Variants in ESRRG observed in about 807,000 individuals in gnomAD.
ESRRG encodes estrogen-related receptor gamma.
A neutral mutation model predicts 44.0 loss-of-function variants in ESRRG; 13 were observed. The observed-to-expected ratio is 0.30, with a 90% confidence interval of 0.19 to 0.47. The LOEUF is 0.47. ESRRG is among the 20% of genes least tolerant of loss of function. ESRRG has a pLI of 1.00. For missense variants in ESRRG, 395 were observed against 580.6 expected (o/e 0.68, Z 3.29); for synonymous variants, 215 against 214.6 (o/e 1.00, Z -0.02).
intron 3 of ESRRG, among the ~76,000 whole-genome samples, chr1:216,618,227 C>T (rs1432120556): frequency 6.6e-6 from 1 of 152,138 alleles, no homozygotes; most frequent in Non-Finnish European, 1.5e-5. Flanking sequence ...CACTTGCCCT[C>T]AAAAGAACAG....
chr1:217,027,758 T>A (rs938116797), intron 1 of ESRRG, among the ~76,000 whole-genome samples: 1 of 152,172 alleles, frequency 6.6e-6, no homozygotes, highest in African/African-American at 2.4e-5. Flanking sequence ...TAGTTTAGGA[T>A]GGGATTTTAT....
In ESRRG at chr1:216,934,591, G is replaced by A. The variant is rs977456715; in HGVS notation, c.-14+4991C>T. ...AAGCGAGAATGAGAGCTAAGAGAAAGGCCATCAGATCTTGTGAGACTTACA... is the reference window on the plus strand; with the variant it reads ...AAGCGAGAATGAGAGCTAAGAGAAAAGCCATCAGATCTTGTGAGACTTACA... On this transcript the variant is annotated intron_variant, in intron 2 of 7. Transcript: ENST00000359162. Among the ~76,000 whole-genome samples the A allele has an allele frequency of 2.0e-5, 3 of 152,082 alleles. No individual in the cohort carries two copies. The East Asian group carries it at 5.8e-4, about 29-fold the overall frequency.
At chr1:216,756,318 G>A (rs916153853) in intron 2 of ESRRG, among the ~76,000 whole-genome samples, 4 of 151,850 alleles carry the variant, frequency 2.6e-5, no homozygotes, top group South Asian at 2.1e-4. Flanking sequence ...ATGTTATGGT[G>A]GACAAGTTCA....
At chr1:216,880,262 GT>G (rs1389150519) in intron 2 of ESRRG, among the ~76,000 whole-genome samples, 3 of 118,042 alleles carry the variant, frequency 2.5e-5, no homozygotes, top group African/African-American at 6.6e-5. Context: ...TGCCAAGATT[GT>G]GCCACTGCAC....
chr1:216,665,718 A>C (rs1359616918), intron 2 of ESRRG, among the ~76,000 whole-genome samples: 8 of 152,182 alleles, frequency 5.3e-5, no homozygotes. Context: ...TTTAAGTTTA[A>C]ATGTCAGTTC....
intron 3 of ESRRG, among the ~76,000 whole-genome samples, chr1:216,590,233 A>G (rs2057422052): frequency 6.6e-6 from 1 of 152,074 alleles, no homozygotes; most frequent in Non-Finnish European, 1.5e-5. Context: ...AACTAGAAAA[A>G]TGTTAGTAGT....
At chr1:216,811,247 TATG>T (rs540811438) in intron 2 of ESRRG, among the ~76,000 whole-genome samples, 25 of 152,160 alleles carry the variant, frequency 1.6e-4, no homozygotes, top group African/African-American at 5.5e-4. Flanking sequence ...ATCATCTCTT[TATG>T]ATGATGAGAA....
At chr1:216,836,777 G>T (rs558334151) in intron 2 of ESRRG, among the ~76,000 whole-genome samples, 1 of 152,134 alleles carries the variant, frequency 6.6e-6, no homozygotes, top group Admixed American at 6.6e-5. Flanking sequence ...TTGTGCAGCC[G>T]AATCAAATAT....
intron 1 of ESRRG, among the ~76,000 whole-genome samples, chr1:217,129,883 G>A (rs765986241): frequency 1.3e-5 from 2 of 151,940 alleles, no homozygotes; most frequent in African/African-American, 4.8e-5. Context: ...TTCAGATGGC[G>A]ACGAAGGTTG....
At chr1:217,036,684 G>A (rs1579878326) in intron 1 of ESRRG, among the ~76,000 whole-genome samples, 1 of 152,180 alleles carries the variant, frequency 6.6e-6, no homozygotes, top group Non-Finnish European at 1.5e-5. Flanking sequence ...TTGGGAGGAG[G>A]AAAAGGACCA....
At chr1:216,769,119 C>T (rs965353875) in intron 2 of ESRRG, among the ~76,000 whole-genome samples, 3 of 151,980 alleles carry the variant, frequency 2.0e-5, no homozygotes, top group South Asian at 4.2e-4. Flanking sequence ...CAGAAGCCAG[C>T]TTAGGATTAC....
At chr1:216,571,384 A>G (rs1325384242) in intron 3 of ESRRG, among the ~76,000 whole-genome samples, 1 of 152,174 alleles carries the variant, frequency 6.6e-6, no homozygotes, top group Non-Finnish European at 1.5e-5. Context: ...CAGAGGTTGC[A>G]GTGAACCAAG....
intron 1 of ESRRG, among the ~76,000 whole-genome samples, chr1:216,941,570 C>T (rs192453750): frequency 9.2e-5 from 14 of 152,232 alleles, no homozygotes; most frequent in Admixed American, 4.6e-4. Context: ...TCAGGAGATT[C>T]GGTTTGTGGG....
At chr1:216,510,704 T>C (rs2042457182) in intron 6 of ESRRG, among the ~76,000 whole-genome samples, 1 of 151,912 alleles carries the variant, frequency 6.6e-6, no homozygotes, top group Non-Finnish European at 1.5e-5. Context: ...GCTAACACCG[T>C]GAAACCCCGT....
At position 216,712,447 on chromosome 1, in the gene ESRRG, G is replaced by C. The variant is rs193083446; in HGVS notation, c.56+10797C>G. On this transcript the variant is annotated intron_variant, in intron 1 of 6. Transcript: ENST00000408911. ...ACAAAAAGATTTCAGTGTATCAGCAGTAGTGGCGGTTTTCAGATGAAATGA... is the reference window on the plus strand; with the variant it reads ...ACAAAAAGATTTCAGTGTATCAGCACTAGTGGCGGTTTTCAGATGAAATGA... 7.9e-5 allele frequency among the ~76,000 whole-genome samples: 12 copies of C among 152,316 alleles called. No homozygotes were observed. The East Asian group carries it at 2.3e-3, about 29-fold the overall frequency.
At chr1:216,624,146 C>T (rs1382558746) in intron 3 of ESRRG, among the ~76,000 whole-genome samples, 1 of 152,190 alleles carries the variant, frequency 6.6e-6, no homozygotes, top group Non-Finnish European at 1.5e-5. Context: ...TGGTCTCTTT[C>T]TCCCTAAGCC....
intron 1 of ESRRG, among the ~76,000 whole-genome samples, chr1:217,127,022 C>G (rs1195109866): frequency 1.3e-5 from 2 of 152,198 alleles, no homozygotes; most frequent in Admixed American, 1.3e-4. Context: ...ACTGAAAAAT[C>G]TCTGCCTAAA....
intron 5 of ESRRG, among the ~76,000 whole-genome samples, chr1:216,533,443 A>G (rs1206510142): frequency 6.6e-6 from 1 of 152,158 alleles, no homozygotes; most frequent in Admixed American, 6.6e-5. Context: ...TCAGTATACT[A>G]TAGTAGGCAG....
intron 3 of ESRRG, among the ~76,000 whole-genome samples, chr1:216,643,562 G>C (rs1558986656): frequency 6.6e-6 from 1 of 152,164 alleles, no homozygotes; most frequent in Non-Finnish European, 1.5e-5. Context: ...TGACCCTTTT[G>C]AGATACAGTG....
Sources: gnomAD v4.1 joint callset for allele counts (sites outside exome capture counted in the v4.1 genomes callset) on GRCh38, gnomAD v4.1.1 for gene constraint, MANE v1.5 for transcripts, NCBI Gene and HGNC (gene_info 2026-07-23, HGNC 2026-07-21) for gene names.